GALNT13: variants seen among roughly 807,000 people sequenced by gnomAD.
The protein encoded by GALNT13 is polypeptide N-acetylgalactosaminyltransferase 13, also known as UDP-GalNAc:polypeptide N-acetylgalactosaminyltransferase 13.
Under a neutral mutation model 64.2 loss-of-function variants are expected in GALNT13, and 28 were observed. That is an observed-to-expected ratio of 0.44 (90% CI 0.32 to 0.60). The LOEUF (loss-of-function observed/expected upper bound fraction) is 0.60. GALNT13 is among the 20% of genes least tolerant of loss of function. The probability of loss-of-function intolerance (pLI) is 0.05; values close to 1 mark genes in which losing one functional copy is unlikely to be tolerated. For synonymous variants in GALNT13, 214 were observed against 224.6 expected (o/e 0.95, Z 0.42); for missense variants, 577 against 669.8 (o/e 0.86, Z 1.53).
intron 9 of GALNT13, among the ~76,000 whole-genome samples, chr2:154,394,108 A>G (rs1698945440): frequency 7.6e-6 from 1 of 131,728 alleles, no homozygotes; most frequent in Admixed American, 7.9e-5. Flanking sequence ...AAAAAAAGGT[A>G]TGCAAATGAA....
At chr2:153,487,855 G>GT in the GALNT13 span, among the ~76,000 whole-genome samples, 3 of 152,256 alleles carry the variant, frequency 2.0e-5, no homozygotes, top group South Asian at 2.1e-4. Flanking sequence ...TGAGGGCTTT[G>GT]TTTTTTTGCA....
At chr2:153,864,585 G>A in the GALNT13 span, among the ~76,000 whole-genome samples, 13 of 151,994 alleles carry the variant, frequency 8.6e-5, no homozygotes, top group Non-Finnish European at 1.9e-4. Context: ...GGGTTTTCTA[G>A]ATATATAATC....
At chr2:153,301,320 A>AAAAAAAAAAAAAAAAAAAAG in the GALNT13 span, among the ~76,000 whole-genome samples, 2 of 126,662 alleles carry the variant, frequency 1.6e-5, no homozygotes, top group Admixed American at 8.1e-5. Context: ...AAAAAAAAAG[A>AAAAAAAAAAAAAAAAAAAAG]AAAAAAAAAA....
At chr2:153,610,080 C>A in the GALNT13 span, among the ~76,000 whole-genome samples, 9 of 152,072 alleles carry the variant, frequency 5.9e-5, no homozygotes, top group Non-Finnish European at 8.8e-5. Context: ...GGAGGAAAGT[C>A]CCAGAGAATG....
chr2:154,184,322 G>A (rs1047605341), intron 4 of GALNT13, among the ~76,000 whole-genome samples: 4 of 151,874 alleles, frequency 2.6e-5, no homozygotes, highest in Admixed American at 2.6e-4. Context: ...GAGTCTCCTG[G>A]ATACTGTTTT....
At chr2:154,115,374 A>ACCATGTGCCATGTGC (rs1703236270) in intron 3 of GALNT13, among the ~76,000 whole-genome samples, 2 of 152,082 alleles carry the variant, frequency 1.3e-5, no homozygotes, top group Non-Finnish European at 2.9e-5. Flanking sequence ...ACATATGTAT[A>ACCATGTGCCATGTGC]CATGTGCCAT....
At chr2:154,277,894 G>T (rs1411962829) in intron 8 of GALNT13, among the ~76,000 whole-genome samples, 1 of 152,054 alleles carries the variant, frequency 6.6e-6, no homozygotes, top group African/African-American at 2.4e-5. Flanking sequence ...AACATTTTTG[G>T]TATGGAATTA....
the GALNT13 span, among the ~76,000 whole-genome samples, chr2:153,838,309 C>T: frequency 6.6e-6 from 1 of 151,662 alleles, no homozygotes; most frequent in Non-Finnish European, 1.5e-5. Context: ...GTGTGATATC[C>T]AAAAAAGCAT....
At chr2:153,701,022 A>T in the GALNT13 span, among the ~76,000 whole-genome samples, 6 of 152,218 alleles carry the variant, frequency 3.9e-5, no homozygotes, top group Non-Finnish European at 7.3e-5. Flanking sequence ...AACAAATAAA[A>T]GCCCATATAG....
At chr2:153,986,373 G>C (rs1694802315) in intron 3 of GALNT13, among the ~76,000 whole-genome samples, 1 of 151,832 alleles carries the variant, frequency 6.6e-6, no homozygotes, top group Non-Finnish European at 1.5e-5. Flanking sequence ...ATATTCCTGG[G>C]TAAGTCAGAT....
At chr2:153,542,160 A>G in the GALNT13 span, among the ~76,000 whole-genome samples, 1 of 152,032 alleles carries the variant, frequency 6.6e-6, no homozygotes, top group Admixed American at 6.6e-5. Context: ...TCTACTAAAA[A>G]TACAAAAAAA....
At chr2:153,436,141 C>T in the GALNT13 span, among the ~76,000 whole-genome samples, 1,995 of 152,164 alleles carry the variant, frequency 0.013, 50 homozygotes, top group African/African-American at 0.045. Flanking sequence ...TATTGATATT[C>T]GTTTGTTGAA....
intron 4 of GALNT13, among the ~76,000 whole-genome samples, chr2:154,205,295 A>T (rs576508976): frequency 1.3e-5 from 2 of 152,286 alleles, no homozygotes; most frequent in East Asian, 3.9e-4. Context: ...TTGTCTTAAA[A>T]AGTTTTTTAT....
the GALNT13 span, among the ~76,000 whole-genome samples, chr2:153,221,529 T>C: frequency 2.1e-3 from 317 of 152,302 alleles, 1 homozygote; most frequent in African/African-American, 7.3e-3. Flanking sequence ...TCTTCAAGTG[T>C]TGCTTTTCCA....
intron 9 of GALNT13, among the ~76,000 whole-genome samples, chr2:154,354,886 A>T (rs958584125): frequency 5.9e-5 from 9 of 151,858 alleles, no homozygotes; most frequent in Admixed American, 3.9e-4. Context: ...GGGTTCTTCT[A>T]CTCGAATGCC....
chr2:153,578,304 G>A, the GALNT13 span, among the ~76,000 whole-genome samples: 1 of 152,058 alleles, frequency 6.6e-6, no homozygotes, highest in Non-Finnish European at 1.5e-5. Context: ...TTAACCTTAA[G>A]CTTTCTTCTG....
the GALNT13 span, among the ~76,000 whole-genome samples, chr2:153,499,086 C>T: frequency 6.6e-6 from 1 of 152,112 alleles, no homozygotes; most frequent in South Asian, 2.1e-4. Flanking sequence ...CTCCTTACCT[C>T]GTGATCCGCC....
At chr2:153,894,645 G>A (rs1687775765) in intron 1 of GALNT13, among the ~76,000 whole-genome samples, 1 of 152,026 alleles carries the variant, frequency 6.6e-6, no homozygotes, top group South Asian at 2.1e-4. Flanking sequence ...TAATCAGTTT[G>A]CTTTGATATT....
chr2:154,352,656 G>A (rs1446520024), intron 9 of GALNT13, among the ~76,000 whole-genome samples: 4 of 152,272 alleles, frequency 2.6e-5, no homozygotes, highest in Admixed American at 1.3e-4. Context: ...CTCATAACTT[G>A]CCAACACCAC....
Sources: gnomAD v4.1 joint callset for allele counts (sites outside exome capture counted in the v4.1 genomes callset) on GRCh38, gnomAD v4.1.1 for gene constraint, MANE v1.5 for transcripts, NCBI Gene and HGNC (gene_info 2026-07-23, HGNC 2026-07-21) for gene names.